Variants in SLC12A3 observed in about 807,000 individuals in gnomAD.
SLC12A3 encodes Na-Cl cotransporter.
A neutral mutation model predicts 121.0 loss-of-function variants in SLC12A3; 104 were observed. The observed-to-expected ratio is 0.86, with a 90% CI of 0.73 to 1.01. SLC12A3 has a LOEUF of 1.01. SLC12A3 is among the 50% of genes least tolerant of loss of function. The pLI, the probability that SLC12A3 is intolerant of heterozygous loss-of-function variation, is 0.00. For synonymous variants in SLC12A3, 536 were observed against 533.4 expected, an observed-to-expected ratio of 1.00 and a Z score of -0.07; for missense variants, 1,328 against 1,356.3, an observed-to-expected ratio of 0.98 and a Z score of 0.33.
At chr16:56,873,754 A>T (rs1681667241) in intron 8 of SLC12A3, among the ~76,000 whole-genome samples, 1 of 116,810 alleles carries the variant, frequency 8.6e-6, no homozygotes, top group Admixed American at 9.1e-5. Flanking sequence ...CCCAGGCTGG[A>T]AGGCTGGAGT....
intron 19 of SLC12A3, among the ~76,000 whole-genome samples, chr16:56,891,197 G>A (rs1307642649): frequency 6.6e-6 from 1 of 151,556 alleles, no homozygotes; most frequent in African/African-American, 2.4e-5. Context: ...AACATAGCAA[G>A]ACCCCATCTC....
intron 3 of SLC12A3, 60 bp downstream of exon 3, chr16:56,868,432 T>C: frequency 6.6e-7 from 1 of 1,507,480 alleles, no homozygotes; most frequent in South Asian, 1.2e-5. Flanking sequence ...CTTCCCAGCT[T>C]GCCTGAATCC....
At chr16:56,905,320 A>C (rs1489714344) in intron 25 of SLC12A3, among the ~76,000 whole-genome samples, 1 of 146,884 alleles carries the variant, frequency 6.8e-6, no homozygotes, top group African/African-American at 2.6e-5. Flanking sequence ...GCCTGGCAAC[A>C]AGAGCGAAAC....
intron 8 of SLC12A3, among the ~76,000 whole-genome samples, 168 bp downstream of exon 8, chr16:56,872,954 C>T (rs2055118679): frequency 6.6e-6 from 1 of 152,216 alleles, no homozygotes; most frequent in Middle Eastern, 3.2e-3. Flanking sequence ...GATTCCATTC[C>T]GTTCTGAGGT....
Position 56,886,997 on chromosome 16 carries a change from C to T in SLC12A3, c.2082C>T (p.Asn694=), listed in dbSNP as rs370145822. The change falls in exon 17 of 26, where the codon AAC becomes AAT. Residue 694 remains asparagine (N), a synonymous_variant. Coordinates refer to ENST00000563236, the MANE Select transcript of SLC12A3 (RefSeq NM_001126108.2). ...QRMPELQLIA[N]GHTKWLNKRK... is the part of the protein sequence containing the mutation. ...TGCCTGAGCTCCAGCTCATCGCCAA[C>T]GGGCACACCAAGTGGCTGAACAAGA... The T allele has an allele frequency of 2.4e-5, 38 of 1,613,700 alleles. No homozygotes were observed. The highest frequency in any genetic ancestry group is 6.7e-5 in the African/African-American group (5 of 74,904).
intron 23 of SLC12A3, among the ~76,000 whole-genome samples, chr16:56,901,990 G>A (rs1212887193): frequency 1.3e-5 from 2 of 152,190 alleles, no homozygotes; most frequent in Non-Finnish European, 2.9e-5. Context: ...GTACTTGGTT[G>A]TCCCTTCATA....
chr16:56,904,641 GC>G, intron 25 of SLC12A3, 179 bp downstream of exon 25: 1 of 631,576 alleles, frequency 1.6e-6, no homozygotes, highest in Non-Finnish European at 2.9e-6. Context: ...GCCTGAGCCC[GC>G]CCCACACCTG....
Position 56,869,814 on chromosome 16 carries a change from G to T in SLC12A3, c.591G>T (p.Lys197Asn), listed in dbSNP as rs1329944232. 1 of 1,613,890 alleles carries T rather than the reference G, an allele frequency of 6.2e-7. No individual in the cohort carries two copies. The highest frequency in any genetic ancestry group is 8.5e-7 in the Non-Finnish European group (1 of 1,179,804). The change falls in exon 4 of 26, where the codon AAG (lysine) becomes AAT (asparagine). Residue 197 changes from lysine (K) to asparagine (N), a missense_variant. By Grantham distance (94) the Lys-to-Asn change is moderately conservative. Transcript: ENST00000563236. The stretch of plus-strand genomic sequence containing the variant: ...TCTCAGCCATCTCCACCAATGGCAA[G>T]GTCAAGTCAGGTGGGCCATCCCCCT... ...LSISAISTNGKVKSGGTYFLI... is the reference protein window; with the variant it reads ...LSISAISTNGNVKSGGTYFLI...
intron 24 of SLC12A3, among the ~76,000 whole-genome samples, chr16:56,903,511 A>G (rs745429368): frequency 1.4e-4 from 21 of 152,268 alleles, no homozygotes; most frequent in Non-Finnish European, 2.6e-4. Context: ...TCAGGCAGTG[A>G]GGAGAGACCT....
chr16:56,884,358 A>G (rs2055283134), intron 14 of SLC12A3, among the ~76,000 whole-genome samples, 154 bp downstream of exon 14: 1 of 152,174 alleles, frequency 6.6e-6, no homozygotes, highest in Non-Finnish European at 1.5e-5. Flanking sequence ...CAATGTGGCA[A>G]GAAACCCCAG....
chr16:56,909,583 G>A (rs529815216), intron 25 of SLC12A3, among the ~76,000 whole-genome samples: 1 of 152,246 alleles, frequency 6.6e-6, no homozygotes, highest in Non-Finnish European at 1.5e-5. Flanking sequence ...TGCCCAAAGA[G>A]GCCCCAGCTA....
chr16:56,865,509 T>A lies in SLC12A3; in HGVS notation c.274T>A (p.Phe92Ile), dbSNP rs1331595764. The A allele has an allele frequency of 1.2e-6, 2 of 1,612,162 alleles. No homozygotes were observed. The highest frequency in any genetic ancestry group is 2.7e-5 in the African/African-American group (2 of 74,956). ...GCCCACACTGGCTGACCTGCACTCC[T>A]TCCTCAAGGTAAGTGCTGTCTCAGA... Reference protein sequence around the residue: ...VRPTLADLHSFLKQEGRHLHA... With the variant: ...VRPTLADLHSILKQEGRHLHA... The change falls in exon 1 of 26, where the codon TTC (phenylalanine) becomes ATC (isoleucine). Residue 92 changes from phenylalanine to isoleucine, a missense_variant. Phe to Ile is a conservative substitution (Grantham distance 21, BLOSUM62 0). Coordinates refer to ENST00000563236, the MANE Select transcript of SLC12A3 (RefSeq NM_001126108.2).
At chr16:56,912,681 T>G (rs2055701619) in intron 25 of SLC12A3, among the ~76,000 whole-genome samples, 1 of 152,228 alleles carries the variant, frequency 6.6e-6, no homozygotes, top group South Asian at 2.1e-4. Context: ...AGATCTGGCC[T>G]CCTTGTGAGC....
At chr16:56,871,904 G>C (rs2055102046) in intron 6 of SLC12A3, among the ~76,000 whole-genome samples, 1 of 152,074 alleles carries the variant, frequency 6.6e-6, no homozygotes, top group African/African-American at 2.4e-5. Context: ...TGTATTTTTA[G>C]TATAGACGGG....
intron 24 of SLC12A3, 74 bp downstream of exon 24, chr16:56,902,582 T>C: frequency 1.3e-6 from 2 of 1,565,020 alleles, no homozygotes; most frequent in East Asian, 2.3e-5. Context: ...TGTCTTGAGC[T>C]CCCCCAGCCC....
In SLC12A3 at chr16:56,870,732, C is replaced by A. The variant is rs1380031877; in HGVS notation, c.848C>A (p.Ser283Tyr). 6 of 1,606,594 alleles carry A rather than the reference C, an allele frequency of 3.7e-6. No individual in the cohort carries two copies. In the East Asian group the frequency reaches 1.3e-4, roughly 36 times the overall value. Residue 283 changes from serine (S) to tyrosine (Y), a missense_variant, in exon 6 of 26, where the codon TCC becomes TAC. By Grantham distance (144) the Ser-to-Tyr change is moderately radical (BLOSUM62 -2). Transcript: ENST00000563236. ...TCCCTGGCTGGCATGGAGTGGGAGT[C>A]CAAGGTGAGGAGGCCATGGAGGAGG... ...AISLAGMEWE[S>Y]KAQVLFFLVI...
chr16:56,891,110 G>A (rs575986941), intron 19 of SLC12A3, among the ~76,000 whole-genome samples: 17 of 150,368 alleles, frequency 1.1e-4, no homozygotes, highest in African/African-American at 2.9e-4. Flanking sequence ...GTGGTGGCTC[G>A]TTTCTGTAAT....
intron 25 of SLC12A3, 21 bp from the exon 26 acceptor site, chr16:56,913,243 C>T: frequency 1.2e-6 from 2 of 1,614,074 alleles, no homozygotes; most frequent in Non-Finnish European, 1.7e-6. Flanking sequence ...CTCTCTTCTA[C>T]CACTTTTTCA....
intron 9 of SLC12A3, 59 bp downstream of exon 9, chr16:56,878,220 TC>T: frequency 7.7e-7 from 1 of 1,294,708 alleles, no homozygotes; most frequent in Non-Finnish European, 1.1e-6. Context: ...CCCTGCAGTG[TC>T]CCAAAACCCT....
Sources: allele counts gnomAD v4.1 joint callset (sites outside exome capture counted in the v4.1 genomes callset), GRCh38; gene constraint gnomAD v4.1.1; transcripts MANE v1.5; gene names NCBI Gene and HGNC (gene_info 2026-07-23, HGNC 2026-07-21).